MGRN1: variants seen among roughly 807,000 people sequenced by gnomAD.
MGRN1 encodes the protein E3 ubiquitin-protein ligase MGRN1.
In MGRN1, 29 loss-of-function variants were observed where a neutral mutation model predicts 69.2. That is an observed-to-expected ratio of 0.42 (90% CI 0.31 to 0.57). The LOEUF (loss-of-function observed/expected upper bound fraction) is 0.57. MGRN1 is among the 20% of genes least tolerant of loss of function. MGRN1 has a pLI of 0.15. For missense variants in MGRN1, 998 were observed against 796.2 expected (o/e 1.25, Z -3.05); for synonymous variants, 470 against 344.2 (o/e 1.37, Z -4.04).
In MGRN1 at chr16:4,678,049, G is replaced by C. The variant is rs140433536; in HGVS notation, c.1065+477G>C. On this transcript the variant is annotated intron_variant, in intron 11 of 16. Coordinates refer to ENST00000262370, the MANE Select transcript of MGRN1 (RefSeq NM_015246.4). ...TTTTTAGTAAGGTGGGGTTTCCCAT[G>C]TTGCCCAGGCTGGTCTCGAACTCTT... Among the ~76,000 whole-genome samples, 146 of 152,268 alleles carry C rather than the reference G, an allele frequency of 9.6e-4. 1 individual carries two copies. Among genetic ancestry groups the C allele is most frequent in the African/African-American group, 3.2e-3 (133 of 41,548 alleles).
chr16:4,686,794 C>G (rs976245385), intron 16 of MGRN1: 53 of 989,058 alleles, frequency 5.4e-5, no homozygotes, highest in Non-Finnish European at 6.4e-5. Context: ...GCAGCAGACA[C>G]GTTAGGACGC....
intron 2 of MGRN1, chr16:4,650,702 C>A: frequency 2.4e-6 from 1 of 423,998 alleles, no homozygotes; most frequent in Non-Finnish European, 4.2e-6. Context: ...AGGGGCAGGT[C>A]ACTGAGAAAC....
chr16:4,629,768 G>A (rs899023545), intron 1 of MGRN1, among the ~76,000 whole-genome samples: 5 of 151,154 alleles, frequency 3.3e-5, no homozygotes, highest in African/African-American at 1.2e-4. Context: ...ACAGGCGGCT[G>A]GGTGTGGTGG....
At chr16:4,654,848 C>G (rs1393026741) in intron 4 of MGRN1, among the ~76,000 whole-genome samples, 3 of 152,164 alleles carry the variant, frequency 2.0e-5, no homozygotes, top group Non-Finnish European at 4.4e-5. Context: ...GGGCTCTGGC[C>G]TTGGGCTCCC....
At position 4,688,408 on chromosome 16, in the gene MGRN1, C is replaced by T. The variant is rs1440041772; in HGVS notation, c.1619-388C>T. On this transcript the variant is annotated intron_variant, in intron 16 of 16. Transcript: ENST00000262370. Reference sequence around the variant, plus strand: ...TCCCCACCCCTGCACCCTGGGTTGACCGAGTTCCACCCTAACCCAGCCGTA... The same window carrying T: ...TCCCCACCCCTGCACCCTGGGTTGATCGAGTTCCACCCTAACCCAGCCGTA... The T allele has an allele frequency of 9.8e-6, 10 of 1,025,334 alleles. No individual in the cohort carries two copies. The East Asian group carries it at 7.7e-4, about 79-fold the overall frequency. The allele number at this position is 1,025,334 out of a possible 1,614,324, so 63.5% of individuals were successfully genotyped here.
intron 1 of MGRN1, among the ~76,000 whole-genome samples, chr16:4,625,889 G>A (rs1256824133): frequency 1.3e-5 from 2 of 152,338 alleles, no homozygotes; most frequent in African/African-American, 4.8e-5. Context: ...GCATCATGGG[G>A]ACATCTAGAT....
rs568469699 is a variant in MGRN1, at chr16:4,689,114, G to A, written c.*206G>A. The A allele has an allele frequency of 4.5e-5, 29 of 639,724 alleles. No homozygotes were observed. The highest frequency in any genetic ancestry group is 6.6e-5 in the Non-Finnish European group (27 of 408,882). The allele number at this position is 639,724 out of a possible 1,614,324, so 39.6% of individuals were successfully genotyped here. ...TTCTACAGTTGATATATTTGTAACT[G>A]GTACAAGATGAAGGACAGCAGCTTT... On this transcript the variant is annotated 3_prime_UTR_variant, in exon 17 of 17. Transcript: ENST00000262370.
chr16:4,687,775 A>C (rs1489063319), intron 16 of MGRN1: 2 of 985,288 alleles, frequency 2.0e-6, no homozygotes, highest in Admixed American at 1.2e-4. Flanking sequence ...TGCAGGCTCT[A>C]AGAGGCCCTT....
intron 12 of MGRN1, chr16:4,680,364 T>C: frequency 2.2e-6 from 1 of 450,842 alleles, no homozygotes; most frequent in Non-Finnish European, 4.0e-6. Context: ...CCGTTTCCCT[T>C]TTTTTTCTTG....
rs1474598302 is a variant in MGRN1, at chr16:4,681,472, C to T, written c.1132-78C>T. 7 of 1,372,846 alleles carry T rather than the reference C, an allele frequency of 5.1e-6. No individual in the cohort carries two copies. The African/African-American group carries it at 8.6e-5, about 17-fold the overall frequency. 85.0% of individuals were successfully genotyped at this position (1,372,846 alleles called of 1,614,324 possible). A position where few individuals can be genotyped will look rare whatever the true frequency, so the allele number is the denominator to read the frequency against. ...TCAATCCCCCAAAGAACAGAGTGGACAGGAGGTCATCAGGAGGAGCGTCTG... is the reference window on the plus strand; with the variant it reads ...TCAATCCCCCAAAGAACAGAGTGGATAGGAGGTCATCAGGAGGAGCGTCTG... On this transcript the variant is annotated intron_variant, in intron 12 of 16. Transcript: ENST00000262370.
At chr16:4,660,635 C>G (rs1158448397) in intron 5 of MGRN1, among the ~76,000 whole-genome samples, 2 of 152,238 alleles carry the variant, frequency 1.3e-5, no homozygotes, top group Admixed American at 6.5e-5. Flanking sequence ...CCAGAAAGCT[C>G]TGCCTCCCCC....
chr16:4,629,550 C>T (rs1052950218), intron 1 of MGRN1, among the ~76,000 whole-genome samples: 1 of 151,918 alleles, frequency 6.6e-6, no homozygotes, highest in Non-Finnish European at 1.5e-5. Context: ...ACCATCCTGG[C>T]CAACATGGTG....
rs560180182 is a variant in MGRN1, at chr16:4,656,023, G to C, written c.444-1223G>C. ...CCTCTTCTGCCTTTGTGTGTACAGT[G>C]GTGGCCCCCCCACGCCCCATCCCAT... On this transcript the variant is annotated intron_variant, in intron 4 of 16. Transcript: ENST00000262370. 2.2e-4 allele frequency among the ~76,000 whole-genome samples: 33 copies of C among 152,346 alleles called. No homozygotes were observed. The South Asian group carries it at 6.2e-3, about 29-fold the overall frequency.
At chr16:4,686,660 G>T in intron 16 of MGRN1, 1 of 1,108,696 alleles carries the variant, frequency 9.0e-7, no homozygotes, top group South Asian at 3.2e-5. Flanking sequence ...GGAGGCAGGA[G>T]CTTGAGGGAT....
rs544944195 is a variant in MGRN1, at chr16:4,689,034, C to T, written c.*126C>T. 6 of 1,293,274 alleles carry T rather than the reference C, an allele frequency of 4.6e-6. No individual in the cohort carries two copies. The South Asian group carries it at 7.8e-5, about 17-fold the overall frequency. 80.1% of individuals were successfully genotyped at this position (1,293,274 alleles called of 1,614,324 possible). ...CCTGTGGCCACCAGGCTCCGAGGGG[C>T]CGTGGTGACTCTTGATCAAAGAGCA... On this transcript the variant is annotated 3_prime_UTR_variant, in exon 17 of 17. Coordinates refer to ENST00000262370, the MANE Select transcript of MGRN1 (RefSeq NM_015246.4).
chr16:4,657,315 C>T lies in MGRN1; in HGVS notation c.513C>T (p.Phe171=). ...VHYKRGVSQQ[F]SLPSFKIDFS... ...ACAAGAGAGGGGTGAGCCAGCAGTTCTCCCTGCCCTCCTTCAAGATTGACT... is the reference window on the plus strand; with the variant it reads ...ACAAGAGAGGGGTGAGCCAGCAGTTTTCCCTGCCCTCCTTCAAGATTGACT... The change falls in exon 5 of 17, where the codon TTC becomes TTT. Residue 171 remains phenylalanine (F), a synonymous_variant. Transcript: ENST00000262370. The T allele has an allele frequency of 6.2e-7, 1 of 1,614,186 alleles. No individual in the cohort carries two copies. Among genetic ancestry groups the T allele is most frequent in the Non-Finnish European group, 8.5e-7 (1 of 1,179,976 alleles).
intron 1 of MGRN1, among the ~76,000 whole-genome samples, chr16:4,632,426 C>A (rs1283385010): frequency 1.3e-5 from 2 of 151,384 alleles, no homozygotes; most frequent in Non-Finnish European, 2.9e-5. Context: ...CGGAGTCTTG[C>A]TCTGTCGCCC....
At chr16:4,625,910 G>C (rs1288106114) in intron 1 of MGRN1, among the ~76,000 whole-genome samples, 1 of 152,230 alleles carries the variant, frequency 6.6e-6, no homozygotes, top group Non-Finnish European at 1.5e-5. Flanking sequence ...TGGGTCCTCA[G>C]ATCCTGGCGT....
intron 4 of MGRN1, 100 bp from the exon 5 acceptor site, chr16:4,657,146 A>G: frequency 8.8e-7 from 1 of 1,133,850 alleles, no homozygotes; most frequent in Non-Finnish European, 1.3e-6. Flanking sequence ...TCCCCAAAAG[A>G]CAGGTGTCTG....
Sources: allele counts gnomAD v4.1 joint callset (sites outside exome capture counted in the v4.1 genomes callset), GRCh38; gene constraint gnomAD v4.1.1; transcripts MANE v1.5; gene names NCBI Gene and HGNC (gene_info 2026-07-23, HGNC 2026-07-21).